The following MALRD1 variants were observed in gnomAD, a reference collection of about 807,000 sequenced individuals.
MALRD1 encodes MAM and LDL receptor class A domain containing 1, also known as MAM and LDL-receptor class A domain-containing protein 1.
A neutral mutation model predicts 242.1 loss-of-function variants in MALRD1; 247 were observed. The ratio of observed to expected loss-of-function variants is 1.02; its 90% CI spans 0.92 to 1.13. The LOEUF is 1.13. Ranked by LOEUF, MALRD1 falls within the 50% of genes most tolerant of loss-of-function variation. The pLI is 0.00. For synonymous variants in MALRD1, 995 were observed against 866.6 expected, an observed-to-expected ratio of 1.15 and a Z score of -2.60; for missense variants, 2,989 against 2,533.1, an observed-to-expected ratio of 1.18 and a Z score of -3.86.
intron 28 of MALRD1, among the ~76,000 whole-genome samples, chr10:19,439,182 A>G (rs1333288824): frequency 6.6e-6 from 1 of 152,152 alleles, no homozygotes; most frequent in Admixed American, 6.5e-5. Flanking sequence ...AGCCATTATT[A>G]TGTTCATTGT....
At chr10:19,701,978 G>A (rs960120041) in intron 38 of MALRD1, among the ~76,000 whole-genome samples, 2 of 151,766 alleles carry the variant, frequency 1.3e-5, no homozygotes, top group Non-Finnish European at 2.9e-5. Flanking sequence ...CTTCTCAAAA[G>A]AAAATTCTTA....
intron 36 of MALRD1, among the ~76,000 whole-genome samples, chr10:19,644,247 C>T (rs1840546378): frequency 6.6e-6 from 1 of 152,156 alleles, no homozygotes; most frequent in Non-Finnish European, 1.5e-5. Context: ...AAAGGCAATG[C>T]TTTATAGGTT....
chr10:19,144,161 AT>A (rs978572081), intron 10 of MALRD1, among the ~76,000 whole-genome samples: 23 of 152,144 alleles, frequency 1.5e-4, no homozygotes, highest in African/African-American at 5.6e-4. Flanking sequence ...AGGGAAATCC[AT>A]TTAGAGGGAA....
At chr10:19,052,920 T>G (rs1439171121) in intron 1 of MALRD1, among the ~76,000 whole-genome samples, 1 of 152,164 alleles carries the variant, frequency 6.6e-6, no homozygotes, top group Non-Finnish European at 1.5e-5. Flanking sequence ...AAGTTCCTTT[T>G]TGCACTATCA....
intron 19 of MALRD1, among the ~76,000 whole-genome samples, chr10:19,273,030 C>G (rs891177597): frequency 6.6e-5 from 10 of 152,022 alleles, no homozygotes; most frequent in African/African-American, 2.4e-4. Context: ...AATTTATAAT[C>G]CTTTGGGTAT....
At chr10:19,718,107 GGAA>G (rs34633700) in intron 38 of MALRD1, among the ~76,000 whole-genome samples, 81,325 of 142,146 alleles carry the variant, frequency 0.57, 22,734 homozygotes, top group South Asian at 0.65. Context: ...AAGAGGAAGA[GGAA>G]GAAGAAGAAG....
intron 32 of MALRD1, among the ~76,000 whole-genome samples, chr10:19,550,058 G>A (rs2131403223): frequency 6.6e-6 from 1 of 152,114 alleles, no homozygotes; most frequent in African/African-American, 2.4e-5. Context: ...TTGCTTTGAG[G>A]TGTTAGAAAG....
Position 19,165,673 on chromosome 10 carries a change from C to A in MALRD1, c.1693C>A (p.Leu565Ile). The change falls in exon 13 of 40, where the codon CTC (leucine) becomes ATC (isoleucine). Residue 565 changes from leucine to isoleucine, a missense_variant. By Grantham distance (5) the Leu-to-Ile change is conservative. Transcript: ENST00000454679. ...GTATCATTTGTCTCAACATTCAAAT[C>A]TCTCAGTTTTTACAAGAACGTCTCT... ...FWYHLSQHSNLSVFTRTSLDG... is the reference protein window; with the variant it reads ...FWYHLSQHSNISVFTRTSLDG... 1 of 1,231,602 alleles carries A rather than the reference C, an allele frequency of 8.1e-7. No individual in the cohort carries two copies. The highest frequency in any genetic ancestry group is 1.0e-6 in the Non-Finnish European group (1 of 987,902). 76.3% of individuals were successfully genotyped at this position (1,231,602 alleles called of 1,614,324 possible).
chr10:19,103,760 A>T (rs917396288), intron 4 of MALRD1, among the ~76,000 whole-genome samples: 1 of 152,050 alleles, frequency 6.6e-6, no homozygotes, highest in Non-Finnish European at 1.5e-5. Context: ...CATGTTACCT[A>T]TCCTATGCCA....
intron 26 of MALRD1, among the ~76,000 whole-genome samples, chr10:19,380,604 A>G (rs569178644): frequency 3.9e-5 from 6 of 152,120 alleles, no homozygotes; most frequent in African/African-American, 9.6e-5. Flanking sequence ...AGTCTTTACC[A>G]TAGAAGTTTA....
At chr10:19,338,923 T>C (rs1472235145) in intron 24 of MALRD1, among the ~76,000 whole-genome samples, 2 of 144,356 alleles carry the variant, frequency 1.4e-5, no homozygotes, top group African/African-American at 2.8e-5. Flanking sequence ...AAACTACATA[T>C]ATACTATATG....
At chr10:19,382,036 C>A (rs1845859345) in intron 26 of MALRD1, among the ~76,000 whole-genome samples, 2 of 151,998 alleles carry the variant, frequency 1.3e-5, no homozygotes, top group South Asian at 4.1e-4. Context: ...TGAGAAATAG[C>A]TTATAGATAA....
chr10:19,598,224 G>A (rs1324784876), intron 34 of MALRD1: 1 of 152,188 alleles, frequency 6.6e-6, no homozygotes, highest in East Asian at 1.9e-4. Context: ...ATGAGGAAGA[G>A]AAAGGAATCA....
intron 30 of MALRD1, among the ~76,000 whole-genome samples, chr10:19,496,639 CAAATT>C (rs1227844515): frequency 6.6e-6 from 1 of 152,078 alleles, no homozygotes; most frequent in Non-Finnish European, 1.5e-5. Context: ...CAAATAATCT[CAAATT>C]AACCATTGCA....
intron 29 of MALRD1, among the ~76,000 whole-genome samples, chr10:19,462,419 C>A (rs1835993197): frequency 2.0e-5 from 3 of 152,228 alleles, no homozygotes; most frequent in Admixed American, 2.0e-4. Flanking sequence ...CGCTTGCCCA[C>A]AATTTTGCAT....
intron 36 of MALRD1, among the ~76,000 whole-genome samples, chr10:19,682,545 G>T (rs1389320818): frequency 6.6e-6 from 1 of 152,090 alleles, no homozygotes; most frequent in Non-Finnish European, 1.5e-5. Context: ...TTTCAGGTGG[G>T]CTCTGCCTAA....
intron 32 of MALRD1, among the ~76,000 whole-genome samples, chr10:19,555,415 A>G (rs2131419320): frequency 6.6e-6 from 1 of 152,284 alleles, no homozygotes; most frequent in East Asian, 1.9e-4. Flanking sequence ...AGTGGGCCTC[A>G]TTAAGAATGT....
At chr10:19,358,230 G>GTGTGTGTGTGTGTGTGTGTGTA (rs1178465369) in intron 26 of MALRD1, among the ~76,000 whole-genome samples, 2 of 151,448 alleles carry the variant, frequency 1.3e-5, no homozygotes, top group Admixed American at 6.6e-5. Flanking sequence ...GTGTGTGTGT[G>GTGTGTGTGTGTGTGTGTGTGTA]TATGAGTTTA....
chr10:19,713,122 TCTTC>T (rs1834218875), intron 38 of MALRD1, among the ~76,000 whole-genome samples: 1 of 152,150 alleles, frequency 6.6e-6, no homozygotes, highest in Non-Finnish European at 1.5e-5. Context: ...TCTTCTACCT[TCTTC>T]CTTCTTTCTT....
Sources: gnomAD v4.1 joint callset for allele counts (sites outside exome capture counted in the v4.1 genomes callset) on GRCh38, gnomAD v4.1.1 for gene constraint, MANE v1.5 for transcripts, NCBI Gene and HGNC (gene_info 2026-07-23, HGNC 2026-07-21) for gene names.